Variants in ZBTB20 observed in about 807,000 individuals in gnomAD.
ZBTB20 encodes the protein zinc finger and BTB domain containing 20.
ZBTB20 carries 9 observed loss-of-function variants against 56.9 expected under a neutral mutation model. That is an observed-to-expected ratio of 0.16 (90% confidence interval 0.10 to 0.28). ZBTB20 has a LOEUF of 0.28. Among genes scored for constraint, ZBTB20 ranks in the 10% least tolerant of loss-of-function variants. The pLI is 1.00. For synonymous variants in ZBTB20, 417 were observed against 420.7 expected (o/e 0.99, Z 0.11); for missense variants, 655 against 1,003.0 (o/e 0.65, Z 4.69).
At chr3:114,874,025 T>C (rs1319879400) in intron 4 of ZBTB20, 1 of 152,218 alleles carries the variant, frequency 6.6e-6, no homozygotes, top group East Asian at 1.9e-4. Context: ...ACTTTGCCTC[T>C]GTAGCACTCT....
chr3:115,137,964 C>T (rs1410891906), intron 1 of ZBTB20, among the ~76,000 whole-genome samples: 1 of 152,056 alleles, frequency 6.6e-6, no homozygotes, highest in Non-Finnish European at 1.5e-5. Flanking sequence ...GTGCCAAAAG[C>T]ATAGCAGTCT....
intron 6 of ZBTB20, among the ~76,000 whole-genome samples, chr3:114,522,015 T>C (rs1199023115): frequency 6.7e-6 from 1 of 150,058 alleles, no homozygotes; most frequent in African/African-American, 2.5e-5. Context: ...TCTTAGAGCA[T>C]AGAACAGGCA....
In ZBTB20 at chr3:114,329,723, A is replaced by AC. The variant is rs1364330817; in HGVS notation, c.*9281_*9282insG. ...TACTTTTTTTGGAAAAAAAAAAAAA[A>AC]AAAAAAAAAAAAAACAACTCCCAGG... On this transcript the variant is annotated 3_prime_UTR_variant, in exon 12 of 12. Coordinates refer to ENST00000675478, the MANE Select transcript of ZBTB20 (RefSeq NM_001348800.3). 4 of 141,524 alleles carry AC rather than the reference A, an allele frequency of 2.8e-5. No individual in the cohort carries two copies. Among genetic ancestry groups the AC allele is most frequent in the South Asian group, 4.7e-4 (2 of 4,228 alleles). The allele number at this position is 141,524 out of a possible 1,614,324, so 8.8% of individuals were successfully genotyped here.
chr3:114,937,434 T>TCTTC (rs1560417676), intron 3 of ZBTB20, among the ~76,000 whole-genome samples: 4 of 151,768 alleles, frequency 2.6e-5, no homozygotes, highest in African/African-American at 9.7e-5. Flanking sequence ...TCTTCTTTTT[T>TCTTC]TTTTTTAGAT....
At chr3:115,022,271 AAAACATACTTTT>A (rs1157771308) in intron 2 of ZBTB20, among the ~76,000 whole-genome samples, 1 of 151,058 alleles carries the variant, frequency 6.6e-6, no homozygotes, top group Non-Finnish European at 1.5e-5. Context: ...TTGATATTCT[AAAACATACTTTT>A]AAACAAAAGG....
chr3:114,743,237 A>T (rs1248554153), intron 5 of ZBTB20, among the ~76,000 whole-genome samples: 1 of 152,114 alleles, frequency 6.6e-6, no homozygotes, highest in Non-Finnish European at 1.5e-5. Flanking sequence ...AAAGCTAATC[A>T]CTAAAATTTG....
intron 7 of ZBTB20, among the ~76,000 whole-genome samples, chr3:114,442,187 G>T (rs1267803229): frequency 6.6e-6 from 1 of 152,152 alleles, no homozygotes; most frequent in Non-Finnish European, 1.5e-5. Context: ...TCTTGGCCAA[G>T]TGTTAACTAT....
At chr3:114,628,990 C>T (rs1290956099) in intron 6 of ZBTB20, among the ~76,000 whole-genome samples, 1 of 152,136 alleles carries the variant, frequency 6.6e-6, no homozygotes, top group African/African-American at 2.4e-5. Context: ...TCTAGGGATA[C>T]TTCAGAGTTT....
At chr3:114,615,822 G>T (rs1374263108) in intron 6 of ZBTB20, among the ~76,000 whole-genome samples, 1 of 152,194 alleles carries the variant, frequency 6.6e-6, no homozygotes, top group Non-Finnish European at 1.5e-5. Flanking sequence ...TTAGGACTAG[G>T]CAGTAATTTT....
chr3:114,651,155 G>T (rs984906156), intron 6 of ZBTB20, among the ~76,000 whole-genome samples: 3 of 152,062 alleles, frequency 2.0e-5, no homozygotes, highest in Admixed American at 6.6e-5. Flanking sequence ...ACTCAGCCAG[G>T]TTAATGTGCA....
chr3:115,075,882 A>G (rs2082577428), intron 1 of ZBTB20, among the ~76,000 whole-genome samples: 1 of 152,174 alleles, frequency 6.6e-6, no homozygotes, highest in Admixed American at 6.5e-5. Context: ...AGAAAATCCT[A>G]AAGACTCCAT....
chr3:114,482,959 C>A (rs753311338), intron 7 of ZBTB20, among the ~76,000 whole-genome samples: 26 of 152,304 alleles, frequency 1.7e-4, no homozygotes, highest in Non-Finnish European at 3.8e-4. Context: ...TATAGACCTG[C>A]AGCACAAATA....
chr3:114,565,618 G>T (rs1271385887), intron 6 of ZBTB20, among the ~76,000 whole-genome samples: 1 of 152,118 alleles, frequency 6.6e-6, no homozygotes, highest in East Asian at 1.9e-4. Context: ...TAGTTATCAG[G>T]AGATAATACG....
intron 3 of ZBTB20, among the ~76,000 whole-genome samples, chr3:114,968,829 G>A (rs981213051): frequency 3.3e-5 from 5 of 152,038 alleles, no homozygotes; most frequent in African/African-American, 1.2e-4. Flanking sequence ...AAGTAAGCCA[G>A]GTTTACAAAA....
At chr3:114,677,947 G>T (rs2061729434) in intron 6 of ZBTB20, among the ~76,000 whole-genome samples, 1 of 152,090 alleles carries the variant, frequency 6.6e-6, no homozygotes, top group South Asian at 2.1e-4. Context: ...ATATGTTAAG[G>T]CAAGGAACTG....
At chr3:114,693,116 C>T (rs2062797437) in intron 6 of ZBTB20, among the ~76,000 whole-genome samples, 1 of 152,100 alleles carries the variant, frequency 6.6e-6, no homozygotes, top group African/African-American at 2.4e-5. Flanking sequence ...CAATGTTCCA[C>T]ACAGGAAACA....
At chr3:115,051,236 A>G (rs894498742) in intron 2 of ZBTB20, among the ~76,000 whole-genome samples, 11 of 152,114 alleles carry the variant, frequency 7.2e-5, no homozygotes, top group Admixed American at 7.2e-4. Context: ...AGAAAAAAGC[A>G]GACACAATTC....
intron 3 of ZBTB20, among the ~76,000 whole-genome samples, chr3:114,949,175 T>C (rs1382017853): frequency 2.1e-5 from 3 of 146,270 alleles, no homozygotes; most frequent in Non-Finnish European, 4.4e-5. Context: ...TCAGGGAAAG[T>C]ATTTTTGACA....
chr3:115,079,497 T>C (rs185043068), intron 1 of ZBTB20, among the ~76,000 whole-genome samples: 9 of 152,272 alleles, frequency 5.9e-5, no homozygotes, highest in African/African-American at 1.9e-4. Flanking sequence ...CAAGCGATTC[T>C]CCTGCCTCAG....
Sources: allele counts gnomAD v4.1 joint callset (sites outside exome capture counted in the v4.1 genomes callset), GRCh38; gene constraint gnomAD v4.1.1; transcripts MANE v1.5; gene names NCBI Gene and HGNC (gene_info 2026-07-23, HGNC 2026-07-21).